The following PDE10A variants were observed in gnomAD, a reference collection of about 807,000 sequenced individuals.
PDE10A encodes cAMP and cAMP-inhibited cGMP 3',5'-cyclic phosphodiesterase 10A.
PDE10A carries 39 observed loss-of-function variants against 97.7 expected under a neutral mutation model. The ratio of observed to expected loss-of-function variants is 0.40; its 90% CI spans 0.31 to 0.52. The LOEUF (loss-of-function observed/expected upper bound fraction) is 0.52. PDE10A is among the 20% of genes least tolerant of loss of function. PDE10A has a pLI of 0.56. For synonymous variants in PDE10A, 371 were observed against 376.8 expected, an observed-to-expected ratio of 0.98 and a Z score of 0.18; for missense variants, 731 against 1,047.8, an observed-to-expected ratio of 0.70 and a Z score of 4.17.
chr6:165,641,349 C>A (rs1789123563), intron 1 of PDE10A, among the ~76,000 whole-genome samples: 2 of 152,224 alleles, frequency 1.3e-5, no homozygotes, highest in South Asian at 2.1e-4. Context: ...AAATACATTT[C>A]TCTACTATAA....
chr6:165,744,833 G>A (rs1792808388), intron 1 of PDE10A, among the ~76,000 whole-genome samples: 1 of 144,560 alleles, frequency 6.9e-6, no homozygotes, highest in Non-Finnish European at 1.5e-5. Flanking sequence ...TTAAATATGG[G>A]ATTATGAACC....
intron 10 of PDE10A, among the ~76,000 whole-genome samples, chr6:165,425,797 G>GTGTT (rs776240558): frequency 6.6e-6 from 1 of 151,468 alleles, no homozygotes; most frequent in African/African-American, 2.4e-5. Context: ...GTGTGTGTGT[G>GTGTT]TGTATGTATG....
At chr6:165,910,690 A>G (rs899330066) in intron 1 of PDE10A, 10 of 150,468 alleles carry the variant, frequency 6.6e-5, no homozygotes, top group Non-Finnish European at 1.5e-4. Context: ...TCCTATAACT[A>G]AACTGGAGTT....
chr6:165,830,085 T>C (rs1020320239), intron 1 of PDE10A, among the ~76,000 whole-genome samples: 1 of 152,204 alleles, frequency 6.6e-6, no homozygotes, highest in Non-Finnish European at 1.5e-5. Context: ...CATGAAGACA[T>C]GAAGATTCAG....
chr6:165,395,601 C>T (rs1447928442), intron 14 of PDE10A, among the ~76,000 whole-genome samples: 8 of 152,002 alleles, frequency 5.3e-5, no homozygotes, highest in African/African-American at 1.9e-4. Context: ...GGGGGAAAAG[C>T]CTTTTCAGAA....
At chr6:165,557,815 A>G (rs1354987440) in intron 1 of PDE10A, among the ~76,000 whole-genome samples, 4 of 152,214 alleles carry the variant, frequency 2.6e-5, no homozygotes, top group East Asian at 1.9e-4. Flanking sequence ...TTTAGGATGA[A>G]TAAGGGAACT....
chr6:165,678,169 ATG>A (rs1224576535), intron 1 of PDE10A, among the ~76,000 whole-genome samples: 79 of 7,676 alleles, frequency 0.01, no homozygotes, highest in Non-Finnish European at 0.022. Flanking sequence ...GTGTGTATGT[ATG>A]TGTGTGTCCA....
intron 1 of PDE10A, among the ~76,000 whole-genome samples, chr6:165,752,129 C>CAA (rs58229023): frequency 4.8e-4 from 32 of 66,352 alleles, no homozygotes; most frequent in African/African-American, 8.1e-4. Flanking sequence ...GGCAACAGAG[C>CAA]AAAAAAAAAA....
intron 1 of PDE10A, among the ~76,000 whole-genome samples, chr6:165,674,451 G>C (rs1790738014): frequency 6.6e-6 from 1 of 152,188 alleles, no homozygotes; most frequent in South Asian, 2.1e-4. Flanking sequence ...CTGATGCGCA[G>C]TGGGGAGAAA....
At chr6:165,458,671 ACACACACACACACT>A (rs774153426) in intron 3 of PDE10A, among the ~76,000 whole-genome samples, 50 of 151,784 alleles carry the variant, frequency 3.3e-4, no homozygotes, top group African/African-American at 1.1e-3. Flanking sequence ...AGGCGCACGC[ACACACACACACACT>A]CACACACACA....
At chr6:165,765,469 G>C (rs538259606) in intron 1 of PDE10A, among the ~76,000 whole-genome samples, 2 of 152,376 alleles carry the variant, frequency 1.3e-5, no homozygotes, top group Non-Finnish European at 2.9e-5. Flanking sequence ...ATCGAGCGCA[G>C]CGCCGGTGGG....
chr6:165,843,893 G>C (rs145795651), intron 1 of PDE10A, among the ~76,000 whole-genome samples: 268 of 152,316 alleles, frequency 1.8e-3, no homozygotes, highest in Admixed American at 4.8e-3. Context: ...GTGGCACTGA[G>C]CTAACCTGAG....
At chr6:165,860,251 C>T (rs1296353489) in intron 1 of PDE10A, among the ~76,000 whole-genome samples, 1 of 152,086 alleles carries the variant, frequency 6.6e-6, no homozygotes, top group South Asian at 2.1e-4. Flanking sequence ...GTTGAGAGAT[C>T]GAGATCAGCC....
At chr6:165,619,395 T>C (rs1430426723) in intron 1 of PDE10A, among the ~76,000 whole-genome samples, 8 of 120,878 alleles carry the variant, frequency 6.6e-5, no homozygotes, top group East Asian at 2.2e-4. Context: ...TAGTATAGTG[T>C]AGTGTAGTGT....
At chr6:165,453,035 A>T (rs572366047) in intron 3 of PDE10A, among the ~76,000 whole-genome samples, 1 of 152,274 alleles carries the variant, frequency 6.6e-6, no homozygotes, top group African/African-American at 2.4e-5. Flanking sequence ...TGAACAAGAT[A>T]CTCGCAACTG....
chr6:165,372,844 G>C (rs112477533), intron 18 of PDE10A, among the ~76,000 whole-genome samples: 27,465 of 149,250 alleles, frequency 0.18, 2,647 homozygotes, highest in Admixed American at 0.21. Flanking sequence ...CAAGGCTACA[G>C]TAACCAAAAC....
intron 1 of PDE10A, among the ~76,000 whole-genome samples, chr6:165,543,960 T>C (rs956007855): frequency 6.6e-6 from 1 of 152,172 alleles, no homozygotes; most frequent in Non-Finnish European, 1.5e-5. Context: ...TCATGTTACA[T>C]AGCTGTTTCT....
intron 2 of PDE10A, among the ~76,000 whole-genome samples, chr6:165,527,412 G>A (rs1013371567): frequency 6.6e-6 from 1 of 152,230 alleles, no homozygotes. Flanking sequence ...TGAGGTGTCA[G>A]TAGTAGACAG....
At chr6:165,615,164 C>T (rs1211690290) in intron 1 of PDE10A, among the ~76,000 whole-genome samples, 24 of 145,336 alleles carry the variant, frequency 1.7e-4, no homozygotes, top group African/African-American at 6.1e-4. Flanking sequence ...GAGCCGAGAT[C>T]ACACCACTGC....
Sources: gnomAD v4.1 joint callset for allele counts (sites outside exome capture counted in the v4.1 genomes callset) on GRCh38, gnomAD v4.1.1 for gene constraint, MANE v1.5 for transcripts, NCBI Gene and HGNC (gene_info 2026-07-23, HGNC 2026-07-21) for gene names.